Variants in EEF1AKMT1 observed in about 807,000 individuals in gnomAD.
EEF1AKMT1 encodes N-6 adenine-specific DNA methyltransferase 2 (putative).
Under a neutral mutation model 21.0 loss-of-function variants are expected in EEF1AKMT1, and 18 were observed. The observed-to-expected ratio is 0.86, with a 90% confidence interval of 0.59 to 1.27. The LOEUF (loss-of-function observed/expected upper bound fraction) is 1.27, where lower values mean the gene tolerates loss of function less well. Ranked by LOEUF, EEF1AKMT1 falls within the 50% of genes most tolerant of loss-of-function variation. EEF1AKMT1 has a pLI of 0.00. For synonymous variants in EEF1AKMT1, 109 were observed against 94.8 expected, an observed-to-expected ratio of 1.15 and a Z score of -0.87; for missense variants, 246 against 258.6, an observed-to-expected ratio of 0.95 and a Z score of 0.33.
intron 1 of EEF1AKMT1, among the ~76,000 whole-genome samples, chr13:20,762,004 G>A (rs963513792): frequency 1.3e-5 from 2 of 152,036 alleles, no homozygotes; most frequent in African/African-American, 4.8e-5. Context: ...GGAGGCTGTG[G>A]TGGGAGGATC....
intron 1 of EEF1AKMT1, among the ~76,000 whole-genome samples, chr13:20,760,104 C>CAAAAAAA (rs56891551): frequency 5.3e-5 from 3 of 56,182 alleles, no homozygotes; most frequent in African/African-American, 9.0e-5. Flanking sequence ...GACTCTGTCT[C>CAAAAAAA]AAAAAAAAAA....
At chr13:20,730,124 C>T (rs2058784175) in intron 4 of EEF1AKMT1, among the ~76,000 whole-genome samples, 1 of 152,254 alleles carries the variant, frequency 6.6e-6, no homozygotes, top group African/African-American at 2.4e-5. Context: ...AGAGTTAGTG[C>T]TTCCAGCCTT....
chr13:20,738,830 G>A (rs555183253), intron 2 of EEF1AKMT1, among the ~76,000 whole-genome samples: 1 of 152,220 alleles, frequency 6.6e-6, no homozygotes, highest in African/African-American at 2.4e-5. Context: ...GAGGATTGAG[G>A]GATTAGGAGG....
intron 1 of EEF1AKMT1, among the ~76,000 whole-genome samples, chr13:20,766,335 GAAA>G (rs1165161218): frequency 7.0e-6 from 1 of 142,030 alleles, no homozygotes; most frequent in African/African-American, 2.6e-5. Context: ...AAAAGAAAAA[GAAA>G]AAAAGAAACA....
At chr13:20,761,764 A>G (rs1447301167) in intron 1 of EEF1AKMT1, among the ~76,000 whole-genome samples, 1 of 152,198 alleles carries the variant, frequency 6.6e-6, no homozygotes, top group African/African-American at 2.4e-5. Context: ...TGAAATGCCT[A>G]TTGAAGTGAA....
intron 2 of EEF1AKMT1, among the ~76,000 whole-genome samples, chr13:20,749,948 T>C (rs2058931754): frequency 6.6e-6 from 1 of 152,192 alleles, no homozygotes; most frequent in Non-Finnish European, 1.5e-5. Context: ...AATGAGGGTC[T>C]TCAGTTCTGG....
intron 2 of EEF1AKMT1, among the ~76,000 whole-genome samples, chr13:20,749,745 G>A (rs1412611228): frequency 6.6e-6 from 1 of 152,038 alleles, no homozygotes; most frequent in Non-Finnish European, 1.5e-5. Context: ...TAATTCTAGG[G>A]TGAACAAAAT....
At chr13:20,772,838 A>C (rs1054258916) in intron 1 of EEF1AKMT1, among the ~76,000 whole-genome samples, 6 of 152,158 alleles carry the variant, frequency 3.9e-5, no homozygotes, top group African/African-American at 1.4e-4. Flanking sequence ...CATGTTATCA[A>C]ATTTACTTAG....
chr13:20,740,073 C>G (rs2058860691), intron 2 of EEF1AKMT1, among the ~76,000 whole-genome samples: 1 of 152,250 alleles, frequency 6.6e-6, no homozygotes. Context: ...GAGCCCTGCC[C>G]TGCGGGGAGA....
At chr13:20,771,464 T>C (rs1846717606) in intron 1 of EEF1AKMT1, among the ~76,000 whole-genome samples, 1 of 152,190 alleles carries the variant, frequency 6.6e-6, no homozygotes, top group South Asian at 2.1e-4. Flanking sequence ...TAGAAAGCAC[T>C]GTTCTTGGTG....
chr13:20,751,741 G>A (rs1363745240), intron 2 of EEF1AKMT1, among the ~76,000 whole-genome samples: 1 of 151,962 alleles, frequency 6.6e-6, no homozygotes, highest in Admixed American at 6.6e-5. Context: ...ATTGCTTTGG[G>A]TATAATCATT....
At chr13:20,757,064 G>A (rs558993728) in intron 2 of EEF1AKMT1, among the ~76,000 whole-genome samples, 2 of 152,298 alleles carry the variant, frequency 1.3e-5, no homozygotes, top group East Asian at 3.9e-4. Context: ...ACCGCCGAAC[G>A]TGGGTACGAG....
intron 2 of EEF1AKMT1, among the ~76,000 whole-genome samples, chr13:20,740,110 C>T (rs905821258): frequency 6.6e-6 from 1 of 152,258 alleles, no homozygotes; most frequent in Non-Finnish European, 1.5e-5. Flanking sequence ...AGAATTCAAG[C>T]ACAGCGCAGG....
chr13:20,759,497 G>A (rs1311850612), intron 1 of EEF1AKMT1, among the ~76,000 whole-genome samples: 5 of 151,858 alleles, frequency 3.3e-5, no homozygotes, highest in African/African-American at 7.3e-5. Context: ...GGAGAATGGC[G>A]TGAACCTGGG....
intron 3 of EEF1AKMT1, among the ~76,000 whole-genome samples, chr13:20,736,661 T>G (rs1022963259): frequency 1.3e-5 from 2 of 151,854 alleles, no homozygotes; most frequent in Non-Finnish European, 2.9e-5. Flanking sequence ...GATAGGATAT[T>G]TAGACAAGAG....
intron 2 of EEF1AKMT1, among the ~76,000 whole-genome samples, chr13:20,754,741 C>CAAA (rs56777421): frequency 1.5e-4 from 18 of 116,534 alleles, no homozygotes; most frequent in East Asian, 2.6e-4. Context: ...ACCAAAAATA[C>CAAA]AAAAAAAAAA....
intron 2 of EEF1AKMT1, among the ~76,000 whole-genome samples, chr13:20,743,127 C>T (rs563499087): frequency 5.3e-5 from 8 of 152,116 alleles, no homozygotes; most frequent in South Asian, 2.1e-4. Context: ...AGTGCAGTGG[C>T]GCAATCTCAG....
At chr13:20,770,449 T>C (rs574707995) in intron 1 of EEF1AKMT1, among the ~76,000 whole-genome samples, 19 of 152,286 alleles carry the variant, frequency 1.2e-4, no homozygotes, top group African/African-American at 4.6e-4. Flanking sequence ...CACCAAAGAA[T>C]GGTACAAATG....
At chr13:20,772,977 G>A (rs1201816158) in intron 1 of EEF1AKMT1, among the ~76,000 whole-genome samples, 2 of 152,092 alleles carry the variant, frequency 1.3e-5, no homozygotes, top group African/African-American at 2.4e-5. Context: ...GGAGAGCAAG[G>A]CTCCCTCTAT....
Sources: gnomAD v4.1 joint callset for allele counts (sites outside exome capture counted in the v4.1 genomes callset) on GRCh38, gnomAD v4.1.1 for gene constraint, MANE v1.5 for transcripts, NCBI Gene and HGNC (gene_info 2026-07-23, HGNC 2026-07-21) for gene names.